The following RBFA variants were observed in gnomAD, a reference collection of about 807,000 sequenced individuals.
RBFA encodes the protein putative ribosome-binding factor A, mitochondrial.
Under a neutral mutation model 27.9 loss-of-function variants are expected in RBFA, and 16 were observed. The ratio of observed to expected loss-of-function variants is 0.57; its 90% CI spans 0.39 to 0.87. The LOEUF (loss-of-function observed/expected upper bound fraction) is 0.87. RBFA is among the 40% of genes least tolerant of loss of function. The pLI, the probability that RBFA is intolerant of heterozygous loss-of-function variation, is 0.00. For synonymous variants in RBFA, 181 were observed against 181.0 expected, an observed-to-expected ratio of 1.00 and a Z score of 0.00; for missense variants, 456 against 432.1, an observed-to-expected ratio of 1.06 and a Z score of -0.49.
Position 80,044,385 on chromosome 18 carries a change from C to T in RBFA, c.650+100C>T, listed in dbSNP as rs912245533. 2.4e-5 allele frequency: 25 copies of T among 1,030,734 alleles called. No homozygotes were observed. The African/African-American group carries it at 2.7e-4, about 11-fold the overall frequency. 63.8% of individuals were successfully genotyped at this position (1,030,734 alleles called of 1,614,324 possible). ...CTGCCCAGCGCCACATCCCGAGTAG[C>T]CTGCATGATCCCCATGGCACTTGCC... On this transcript the variant is annotated intron_variant, in intron 6 of 6. Coordinates refer to ENST00000306735, the MANE Select transcript of RBFA (RefSeq NM_024805.3).
At position 80,046,225 on chromosome 18, in the gene RBFA, T is replaced by C. The variant is rs978555907; in HGVS notation, c.*70T>C. 1 of 1,510,674 alleles carries C rather than the reference T, an allele frequency of 6.6e-7. No homozygotes were observed. Among genetic ancestry groups the C allele is most frequent in the East Asian group, 2.3e-5 (1 of 43,038 alleles). The allele number at this position is 1,510,674 out of a possible 1,614,324, so 93.6% of individuals were successfully genotyped here. On this transcript the variant is annotated 3_prime_UTR_variant, in exon 7 of 7. Coordinates refer to ENST00000306735, the MANE Select transcript of RBFA (RefSeq NM_024805.3). ...GCACGCAACGCAGCATGTGGCTTCA[T>C]TGAGGCAGTTGATGGAGTTAAACCA...
chr18:80,049,701 T>C lies in RBFA; in HGVS notation c.*3546T>C, dbSNP rs1345807484. ...CGGCCACTTCAGCCTTCTGGTTCGC[T>C]GTTCCTTGGTAATGCAGATGGCCCA... On this transcript the variant is annotated 3_prime_UTR_variant, in exon 7 of 7. Transcript: ENST00000306735. 6.6e-6 allele frequency among the ~76,000 whole-genome samples: 1 copy of C among 152,256 alleles called. No homozygotes were observed. The highest frequency in any genetic ancestry group is 2.4e-5 in the African/African-American group (1 of 41,472).
At chr18:80,038,250 G>A (rs187329934) in intron 3 of RBFA, among the ~76,000 whole-genome samples, 1 of 152,262 alleles carries the variant, frequency 6.6e-6, no homozygotes, top group Admixed American at 6.5e-5. Context: ...GTGGGGTCAG[G>A]GTTCCGGTTT....
At chr18:80,043,952 G>C (rs957395451) in intron 5 of RBFA, among the ~76,000 whole-genome samples, 1 of 152,160 alleles carries the variant, frequency 6.6e-6, no homozygotes, top group African/African-American at 2.4e-5. Context: ...TCATAAATTT[G>C]ACTAACAAGT....
At position 80,045,964 on chromosome 18, in the gene RBFA, A is replaced by G. The variant is rs1208391906; in HGVS notation, c.841A>G (p.Arg281Gly). The change falls in exon 7 of 7, where the codon AGG becomes GGG. Residue 281 changes from arginine (R) to glycine (G), a missense_variant. Arg to Gly is a moderately radical substitution (Grantham distance 125). Coordinates refer to ENST00000306735, the MANE Select transcript of RBFA (RefSeq NM_024805.3). ...AACGCAGATGAAAAAGGGAAGGAAG[A>G]GGGCCAAGCCCCGCCTGGAGCAGGA... ...LTTQMKKGRKRAKPRLEQDSS... is the reference protein window; with the variant it reads ...LTTQMKKGRKGAKPRLEQDSS... The G allele has an allele frequency of 6.2e-7, 1 of 1,614,130 alleles. No individual in the cohort carries two copies. Among genetic ancestry groups the G allele is most frequent in the Non-Finnish European group, 8.5e-7 (1 of 1,180,040 alleles).
rs1228155651 is a variant in RBFA at position 80,047,592 on chromosome 18, T to C, written c.*1437T>C. Among the ~76,000 whole-genome samples, 1 of 152,200 alleles carries C rather than the reference T, an allele frequency of 6.6e-6. No individual in the cohort carries two copies. The highest frequency in any genetic ancestry group is 1.5e-5 in the Non-Finnish European group (1 of 68,040). ...ATACTCTACACTCTTATTTCCTATATCAGGATGGGGAGGCCACTACCTCAG... is the reference window on the plus strand; with the variant it reads ...ATACTCTACACTCTTATTTCCTATACCAGGATGGGGAGGCCACTACCTCAG... On this transcript the variant is annotated 3_prime_UTR_variant, in exon 7 of 7. Transcript: ENST00000306735.
At chr18:80,038,672 T>C in intron 4 of RBFA, 55 bp downstream of exon 4, 2 of 1,315,730 alleles carry the variant, frequency 1.5e-6, no homozygotes, top group Non-Finnish European at 2.1e-6. Flanking sequence ...CCTAAATTTC[T>C]CAGCTGTTTC....
Position 80,049,637 on chromosome 18 carries a change from TC to T in RBFA, c.*3484del, listed in dbSNP as rs761376573. Among the ~76,000 whole-genome samples the T allele has an allele frequency of 1.9e-4, 29 of 152,344 alleles. No homozygotes were observed. Among genetic ancestry groups the T allele is most frequent in the South Asian group, 4.1e-4 (2 of 4,834 alleles). ...AGTAAAGGTCAATGGTTCTCAAAGTTCCGGGCACATCCCCTGGGGGCTCATA... is the reference window on the plus strand; with the variant it reads ...AGTAAAGGTCAATGGTTCTCAAAGTTCGGGCACATCCCCTGGGGGCTCATA... On this transcript the variant is annotated 3_prime_UTR_variant, in exon 7 of 7. Coordinates refer to ENST00000306735, the MANE Select transcript of RBFA (RefSeq NM_024805.3).
intron 3 of RBFA, among the ~76,000 whole-genome samples, chr18:80,038,268 C>T (rs2145143741): frequency 6.6e-6 from 1 of 152,242 alleles, no homozygotes; most frequent in Non-Finnish European, 1.5e-5. Context: ...TTTGGTTCTG[C>T]AAACCAGGTG....
chr18:80,044,293 A>G lies in RBFA; in HGVS notation c.650+8A>G, dbSNP rs781678779. 22 of 1,611,790 alleles carry G rather than the reference A, an allele frequency of 1.4e-5. No individual in the cohort carries two copies. The highest frequency in any genetic ancestry group is 1.8e-5 in the Non-Finnish European group (21 of 1,177,950). On this transcript the variant is annotated splice_region_variant and intron_variant, in intron 6 of 6. Coordinates refer to ENST00000306735, the MANE Select transcript of RBFA (RefSeq NM_024805.3). ...TGTACAAAATGATTTCAGGTGACGC[A>G]TGTGGACATATGTTTTGATTCCCTG...
At chr18:80,037,798 A>T (rs938058420) in intron 3 of RBFA, among the ~76,000 whole-genome samples, 1 of 152,094 alleles carries the variant, frequency 6.6e-6, no homozygotes, top group Non-Finnish European at 1.5e-5. Flanking sequence ...CTGAGGCAGG[A>T]GAATCGCTTG....
At chr18:80,042,303 TAGTCTTGAACTC>T in intron 5 of RBFA, 84 bp downstream of exon 5, 1 of 832,838 alleles carries the variant, frequency 1.2e-6, no homozygotes, top group Non-Finnish European at 1.7e-6. Flanking sequence ...TTGTCCAGGC[TAGTCTTGAACTC>T]CTGGCCTCAA....
intron 1 of RBFA, 157 bp downstream of exon 1, chr18:80,034,810 G>A (rs12964779): frequency 0.48 from 375,852 of 779,650 alleles, 94,454 homozygotes; most frequent in East Asian, 0.76. Context: ...CTCACTGTCA[G>A]CATTTGCAGC....
chr18:80,042,124 CT>C lies in RBFA; in HGVS notation c.492-10del. 6.2e-7 allele frequency: 1 copy of C among 1,601,088 alleles called. No individual in the cohort carries two copies. Among genetic ancestry groups the C allele is most frequent in the South Asian group, 1.1e-5 (1 of 89,566 alleles). On this transcript the variant is annotated splice_polypyrimidine_tract_variant and intron_variant, in intron 4 of 6. Transcript: ENST00000306735. ...GCACAGCTGTGAGGGTCTGTGCGTT[CT>C]GTCTCCTAGGCACCTTTTGATGTCC... is the stretch of plus-strand genomic sequence containing the variant.
Position 80,048,749 on chromosome 18 carries a change from C to A in RBFA, c.*2594C>A, listed in dbSNP as rs1428069424. 1.3e-5 allele frequency among the ~76,000 whole-genome samples: 2 copies of A among 152,168 alleles called. No individual in the cohort carries two copies. Among genetic ancestry groups the A allele is most frequent in the African/African-American group, 2.4e-5 (1 of 41,428 alleles). ...GGAGAGGTGAAGTGCTGCAGGAGAT[C>A]CAACCAGGCGCCGGCTCAGTGCCTC... is the stretch of plus-strand genomic sequence containing the variant. On this transcript the variant is annotated 3_prime_UTR_variant, in exon 7 of 7. Transcript: ENST00000306735.
Position 80,045,894 on chromosome 18 carries a change from A to G in RBFA, c.771A>G (p.Lys257=), listed in dbSNP as rs769565094. The change falls in exon 7 of 7, where the codon AAA becomes AAG. Residue 257 remains lysine, a synonymous_variant. Coordinates refer to ENST00000306735, the MANE Select transcript of RBFA (RefSeq NM_024805.3). The part of the protein sequence containing the change: ...QIMEYKRRKD[K]GLGGLVWQGQ... ...TGGAGTACAAAAGGAGGAAAGATAA[A>G]GGGCTCGGGGGCCTGGTGTGGCAGG... The G allele has an allele frequency of 6.2e-7, 1 of 1,611,294 alleles. No individual in the cohort carries two copies. Among genetic ancestry groups the G allele is most frequent in the Non-Finnish European group, 8.5e-7 (1 of 1,178,708 alleles).
chr18:80,041,793 C>G (rs1599768496), intron 4 of RBFA: 2 of 150,576 alleles, frequency 1.3e-5, no homozygotes, highest in Admixed American at 1.4e-4. Context: ...GTGGCACTAT[C>G]TTGGCTCACT....
intron 5 of RBFA, among the ~76,000 whole-genome samples, chr18:80,043,025 G>T (rs554974018): frequency 1.3e-5 from 2 of 152,040 alleles, no homozygotes; most frequent in African/African-American, 2.4e-5. Flanking sequence ...GTCCACTTTC[G>T]TTTCACATTA....
At chr18:80,036,301 G>A (rs761776164) in intron 1 of RBFA, among the ~76,000 whole-genome samples, 11 of 152,102 alleles carry the variant, frequency 7.2e-5, no homozygotes, top group Non-Finnish European at 1.5e-4. Context: ...TAATTGTTCA[G>A]TCTCAGTCTA....
Sources: gnomAD v4.1 joint callset for allele counts (sites outside exome capture counted in the v4.1 genomes callset) on GRCh38, gnomAD v4.1.1 for gene constraint, MANE v1.5 for transcripts, NCBI Gene and HGNC (gene_info 2026-07-23, HGNC 2026-07-21) for gene names.